FGD4: variants seen among roughly 807,000 people sequenced by gnomAD.
The protein encoded by FGD4 is FYVE, RhoGEF and PH domain-containing protein 4.
Under a neutral mutation model 102.0 loss-of-function variants are expected in FGD4, and 42 were observed. That is an observed-to-expected ratio of 0.41 (90% CI 0.32 to 0.53). FGD4 has a LOEUF of 0.53. Among genes scored for constraint, FGD4 ranks in the 20% least tolerant of loss-of-function variants. The pLI, the probability that FGD4 is intolerant of heterozygous loss-of-function variation, is 0.21. For synonymous variants in FGD4, 380 were observed against 375.7 expected (o/e 1.01, Z -0.13); for missense variants, 902 against 1,078.2 (o/e 0.84, Z 2.29).
At chr12:32,446,030 G>A (rs1038669014) in intron 1 of FGD4, among the ~76,000 whole-genome samples, 3 of 152,144 alleles carry the variant, frequency 2.0e-5, no homozygotes, top group East Asian at 1.9e-4. Context: ...AGCCCGGTGT[G>A]TAGTCCCAGC....
At position 32,625,602 on chromosome 12, in the gene FGD4, A is replaced by T. The variant is rs1312697820; in HGVS notation, c.2047-52A>T. ...AAGTTCTTTCAAAAAATAATAATAAAAGGGAATTATAGTTTTTTTCTATTA... is the reference window on the plus strand; with the variant it reads ...AAGTTCTTTCAAAAAATAATAATAATAGGGAATTATAGTTTTTTTCTATTA... On this transcript the variant is annotated intron_variant, in intron 13 of 16. Coordinates refer to ENST00000534526, the MANE Select transcript of FGD4 (RefSeq NM_001370298.3). 4 of 1,579,098 alleles carry T rather than the reference A, an allele frequency of 2.5e-6. No homozygotes were observed. The African/African-American group carries it at 5.5e-5, about 22-fold the overall frequency.
chr12:32,435,515 G>A (rs1942200144), intron 1 of FGD4, among the ~76,000 whole-genome samples: 1 of 152,006 alleles, frequency 6.6e-6, no homozygotes, highest in African/African-American at 2.4e-5. Flanking sequence ...GTGTGTGTGT[G>A]TGTTTTAAAT....
chr12:32,485,239 T>C (rs2136556235), intron 1 of FGD4, among the ~76,000 whole-genome samples: 1 of 152,290 alleles, frequency 6.6e-6, no homozygotes, highest in South Asian at 2.1e-4. Flanking sequence ...TTTAAAAACC[T>C]GACTTGTTTT....
intron 3 of FGD4, among the ~76,000 whole-genome samples, chr12:32,579,818 C>T (rs1430284458): frequency 6.6e-6 from 1 of 152,172 alleles, no homozygotes; most frequent in African/African-American, 2.4e-5. Context: ...TCAATTTATC[C>T]TTTCTTTCCT....
chr12:32,643,344 C>T lies in FGD4; in HGVS notation c.*2811C>T, dbSNP rs1185691646. 1 of 152,214 alleles carries T rather than the reference C, an allele frequency of 6.6e-6. No homozygotes were observed. Among genetic ancestry groups the T allele is most frequent in the Non-Finnish European group, 1.5e-5 (1 of 67,892 alleles). 9.4% of individuals were successfully genotyped at this position (152,214 alleles called of 1,614,324 possible). Reference sequence around the variant, plus strand: ...TATACTGAAAATTTAATATGAAGGCCCCTTCCCACAAGAATATAGATAATT... The same window carrying T: ...TATACTGAAAATTTAATATGAAGGCTCCTTCCCACAAGAATATAGATAATT... On this transcript the variant is annotated 3_prime_UTR_variant, in exon 17 of 17. Coordinates refer to ENST00000534526, the MANE Select transcript of FGD4 (RefSeq NM_001370298.3).
intron 14 of FGD4, among the ~76,000 whole-genome samples, chr12:32,628,374 A>G (rs1052788970): frequency 2.7e-5 from 4 of 148,328 alleles, no homozygotes; most frequent in Non-Finnish European, 6.0e-5. Context: ...GTGAAGTGGG[A>G]AAAAAAAAAG....
At chr12:32,503,981 G>A (rs550493353) in intron 1 of FGD4, among the ~76,000 whole-genome samples, 48 of 152,096 alleles carry the variant, frequency 3.2e-4, no homozygotes, top group African/African-American at 1.0e-3. Context: ...AGATAAATCC[G>A]TACACTTCTC....
intron 1 of FGD4, among the ~76,000 whole-genome samples, chr12:32,480,723 T>A (rs537919111): frequency 1.1e-4 from 16 of 151,432 alleles, no homozygotes; most frequent in East Asian, 2.0e-4. Context: ...ATGCTCTTGC[T>A]CTCCTGACCT....
At position 32,644,559 on chromosome 12, in the gene FGD4, G is replaced by A. The variant is rs1245147412; in HGVS notation, c.*4026G>A. ...ATCCTTATATATACCCCTTAATCAC[G>A]TAGTCATGAGAAGATAACTTTGCTT... On this transcript the variant is annotated 3_prime_UTR_variant, in exon 17 of 17. Transcript: ENST00000534526. 7.2e-5 allele frequency: 11 copies of A among 151,940 alleles called. No homozygotes were observed. Among genetic ancestry groups the A allele is most frequent in the Admixed American group, 5.9e-4 (9 of 15,252 alleles). 9.4% of individuals were successfully genotyped at this position (151,940 alleles called of 1,614,324 possible).
chr12:32,609,259 G>T (rs1948986159), intron 8 of FGD4, among the ~76,000 whole-genome samples: 1 of 152,070 alleles, frequency 6.6e-6, no homozygotes, highest in Admixed American at 6.6e-5. Context: ...TTCTCCATTG[G>T]CCCCTTCCAT....
intron 11 of FGD4, among the ~76,000 whole-genome samples, chr12:32,621,870 G>T (rs1949860635): frequency 1.3e-5 from 2 of 150,192 alleles, no homozygotes; most frequent in Non-Finnish European, 3.0e-5. Context: ...TGAGCTACTG[G>T]CCCTGGCAAC....
In FGD4 at chr12:32,625,700, A is replaced by C. The variant is rs1431827524; in HGVS notation, c.2093A>C (p.Glu698Ala). 6.2e-7 allele frequency: 1 copy of C among 1,614,082 alleles called. No individual in the cohort carries two copies. ...GCCCCAAGATGGATCCGAGATAATG[A>C]AGTGACAATGTGTATGAAATGTAAA... ...KRAPRWIRDN[E>A]VTMCMKCKEP... The change falls in exon 14 of 17, where the codon GAA becomes GCA. Residue 698 changes from glutamate to alanine, a missense_variant. Physicochemically the swap from Glu to Ala is moderately radical, Grantham distance 107. This residue lies in a region of FGD4 where 459 missense variants were observed against 619.0 expected (regional missense o/e 0.74). Transcript: ENST00000534526.
chr12:32,578,213 T>C (rs182999728), intron 3 of FGD4, among the ~76,000 whole-genome samples: 86 of 151,478 alleles, frequency 5.7e-4, no homozygotes, highest in Admixed American at 3.9e-3. Flanking sequence ...TGAAGAAATA[T>C]TATTTGTGGT....
chr12:32,447,662 G>A (rs769669228), intron 1 of FGD4, among the ~76,000 whole-genome samples: 1 of 152,156 alleles, frequency 6.6e-6, no homozygotes, highest in Non-Finnish European at 1.5e-5. Flanking sequence ...ATCCAAATTC[G>A]CTCAGTGACA....
At chr12:32,541,098 T>G (rs989273287) in intron 1 of FGD4, among the ~76,000 whole-genome samples, 1 of 152,208 alleles carries the variant, frequency 6.6e-6, no homozygotes, top group Non-Finnish European at 1.5e-5. Flanking sequence ...TTTGATTAAC[T>G]GGTTCATTTT....
At chr12:32,564,735 C>T (rs1945039819) in intron 2 of FGD4, among the ~76,000 whole-genome samples, 1 of 152,316 alleles carries the variant, frequency 6.6e-6, no homozygotes, top group South Asian at 2.1e-4. Context: ...CATGAAAACA[C>T]CTGATAGTAA....
intron 1 of FGD4, among the ~76,000 whole-genome samples, chr12:32,424,210 C>G (rs928321240): frequency 3.9e-5 from 6 of 152,058 alleles, no homozygotes; most frequent in Non-Finnish European, 7.4e-5. Context: ...CTAATGCTAT[C>G]CCTCCCCTAG....
intron 2 of FGD4, among the ~76,000 whole-genome samples, chr12:32,575,539 C>G (rs1342552427): frequency 6.6e-6 from 1 of 152,132 alleles, no homozygotes. Context: ...TCCTATAGTT[C>G]CCACCTCCAA....
rs537118867 is a variant in FGD4 at position 32,433,855 on chromosome 12, A to G, written c.166+33896A>G. ...AATATATTTACTTATTTATTTATTTATTTATTATTATTATTTTTTGAGACG... is the reference window on the plus strand; with the variant it reads ...AATATATTTACTTATTTATTTATTTGTTTATTATTATTATTTTTTGAGACG... On this transcript the variant is annotated intron_variant, in intron 1 of 16. Coordinates refer to ENST00000534526, the MANE Select transcript of FGD4 (RefSeq NM_001370298.3). Among the ~76,000 whole-genome samples, 8 of 150,912 alleles carry G rather than the reference A, an allele frequency of 5.3e-5. No individual in the cohort carries two copies. The East Asian group carries it at 1.6e-3, about 30-fold the overall frequency.
Sources: allele counts gnomAD v4.1 joint callset (sites outside exome capture counted in the v4.1 genomes callset), GRCh38; gene constraint gnomAD v4.1.1; regional missense constraint gnomAD v4.1.1; transcripts MANE v1.5; gene names NCBI Gene and HGNC (gene_info 2026-07-23, HGNC 2026-07-21).